The following KIF4A variants were observed in gnomAD, a reference collection of about 807,000 sequenced individuals.
KIF4A encodes kinesin family member 4A.
KIF4A carries 7 observed loss-of-function variants against 105.9 expected under a neutral mutation model. The ratio of observed to expected loss-of-function variants is 0.07; its 90% CI spans 0.04 to 0.12. The LOEUF is 0.12. Ranked by LOEUF, KIF4A falls within the 10% of genes least tolerant of loss-of-function variation. KIF4A has a pLI of 1.00. For synonymous variants in KIF4A, 281 were observed against 331.3 expected, an observed-to-expected ratio of 0.85 and a Z score of 1.65; for missense variants, 558 against 929.2, an observed-to-expected ratio of 0.60 and a Z score of 5.19.
intron 7 of KIF4A, among the ~76,000 whole-genome samples, chrX:70,317,667 C>T (rs1020268779): frequency 8.4e-5 from 9 of 107,648 alleles, no homozygotes; most frequent in Non-Finnish European, 1.3e-4. Context: ...TCCTTAGCCT[C>T]CTGAGTAGCT....
chrX:70,402,769 G>A, intron 23 of KIF4A, 74 bp downstream of exon 23: 1 of 1,104,388 alleles, frequency 9.1e-7, no homozygotes. Flanking sequence ...TTGAAATATT[G>A]TCAAAGTGTT....
chrX:70,375,127 C>G (rs1243559877), intron 16 of KIF4A, 77 bp from the exon 17 acceptor site: 5 of 1,081,951 alleles, frequency 4.6e-6, no homozygotes, highest in Non-Finnish European at 6.2e-6. Flanking sequence ...TGTTGTAACT[C>G]TGGGAGTCTA....
In KIF4A at chrX:70,389,099, T is replaced by A. The variant is rs185837690; in HGVS notation, c.2232+1802T>A. ...ATCCTGTCTCTACAAAACAAAATTT[T>A]AAAAAAATTAACCAGACATGGTGGT... On this transcript the variant is annotated intron_variant, in intron 20 of 30. Coordinates refer to ENST00000374403, the MANE Select transcript of KIF4A (RefSeq NM_012310.5). Among the ~76,000 whole-genome samples, 773 of 109,876 alleles carry A rather than the reference T, an allele frequency of 7.0e-3. 13 individuals carry two copies. Among genetic ancestry groups the A allele is most frequent in the African/African-American group, 0.025 (739 of 30,142 alleles).
intron 15 of KIF4A, among the ~76,000 whole-genome samples, chrX:70,365,288 G>A (rs1178348868): frequency 1.8e-5 from 2 of 111,698 alleles, no homozygotes; most frequent in African/African-American, 3.3e-5. Context: ...TGTTGAATAG[G>A]AGTGGTGAGA....
chrX:70,382,233 C>A (rs1482899540), intron 18 of KIF4A, among the ~76,000 whole-genome samples: 2 of 111,731 alleles, frequency 1.8e-5, no homozygotes, highest in Non-Finnish European at 3.8e-5. Flanking sequence ...AGTTCAAGAC[C>A]ACCTGGCCAA....
At chrX:70,290,908 C>A in intron 3 of KIF4A, 103 bp downstream of exon 3, 1 of 533,196 alleles carries the variant, frequency 1.9e-6, no homozygotes. Context: ...ATCGATGAAT[C>A]ATGATTCCTG....
Position 70,353,636 on chromosome X carries a change from T to G in KIF4A, c.1503T>G (p.Ser501Arg), listed in dbSNP as rs1310560117. The change falls in exon 15 of 31, where the codon AGT becomes AGG. Residue 501 changes from serine (S) to arginine (R), a missense_variant. Physicochemically the swap from Ser to Arg is moderately radical, Grantham distance 110. This residue lies in a region of KIF4A where 469 missense variants were observed against 680.4 expected (regional missense o/e 0.69). Coordinates refer to ENST00000374403, the MANE Select transcript of KIF4A (RefSeq NM_012310.5). ...AVEQEAQVET[S>R]PETSRSSDAF... Reference sequence around the variant, plus strand: ...TTTTTTTCCAGCAAGTAGAAACCAGTCCAGAGACGAGCAGGTCTTCTGACG... The same window carrying G: ...TTTTTTTCCAGCAAGTAGAAACCAGGCCAGAGACGAGCAGGTCTTCTGACG... 1.2e-5 allele frequency: 14 copies of G among 1,210,141 alleles called. No individual in the cohort carries two copies. Among genetic ancestry groups the G allele is most frequent in the Non-Finnish European group, 1.6e-5 (14 of 894,959 alleles).
intron 7 of KIF4A, among the ~76,000 whole-genome samples, chrX:70,320,691 C>T (rs1187894731): frequency 9.0e-6 from 1 of 110,932 alleles, no homozygotes; most frequent in East Asian, 2.8e-4. Flanking sequence ...GAGTGGAGGC[C>T]GAGGGGAAGA....
rs759451517 is a variant in KIF4A at position 70,343,758 on chromosome X, C to T, written c.1322C>T (p.Ala441Val). The stretch of plus-strand genomic sequence containing the variant: ...AAGCTAGAAGAGCTCAGGCAGCATG[C>T]GGCGTAAGTTGCCCACCAGATATTT... ...NAKLEELRQH[A>V]ACKLDLQKLV... Residue 441 changes from alanine (A) to valine (V), a missense_variant, in exon 12 of 31, where the codon GCG (alanine) becomes GTG (valine). This residue lies in a region of KIF4A where 469 missense variants were observed against 680.4 expected (regional missense o/e 0.69). Transcript: ENST00000374403. 9.9e-6 allele frequency: 12 copies of T among 1,208,343 alleles called. No homozygotes were observed. The highest frequency in any genetic ancestry group is 1.3e-5 in the Non-Finnish European group (12 of 893,777).
intron 4 of KIF4A, 30 bp from the exon 5 acceptor site, chrX:70,299,083 T>G (rs753232943): frequency 8.7e-7 from 1 of 1,152,042 alleles, no homozygotes; most frequent in Non-Finnish European, 1.2e-6. Flanking sequence ...TAACATCTTG[T>G]TTTTGCCACT....
chrX:70,402,703 T>C lies in KIF4A; in HGVS notation c.2619+8T>C, dbSNP rs774422747. 1.7e-6 allele frequency: 2 copies of C among 1,206,162 alleles called. No homozygotes were observed. Among genetic ancestry groups the C allele is most frequent in the Non-Finnish European group, 2.2e-6 (2 of 892,379 alleles). ...AAATATTTGATTGGAGAGGTAAACA[T>C]CACTCTAACCAGCAGTTAGGAGGCT... On this transcript the variant is annotated splice_region_variant and intron_variant, in intron 23 of 30. Transcript: ENST00000374403.
Position 70,405,891 on chromosome X carries a change from G to A in KIF4A, c.2962G>A (p.Glu988Lys). 1 of 1,206,156 alleles carries A rather than the reference G, an allele frequency of 8.3e-7. No homozygotes were observed. ...AAATCAGCAGCTTCTCCGAGAGAAT[G>A]AAATCATCAAGCAGGTAATACAGTT... ...EQNQQLLREN[E>K]IIKQKLTLLQ... The change falls in exon 26 of 31, where the codon GAA becomes AAA. Residue 988 changes from glutamate (E) to lysine (K), a missense_variant. Physicochemically the swap from Glu to Lys is moderately conservative, Grantham distance 56. Coordinates refer to ENST00000374403, the MANE Select transcript of KIF4A (RefSeq NM_012310.5).
chrX:70,307,335 T>C (rs2085831404), intron 7 of KIF4A, among the ~76,000 whole-genome samples: 2 of 111,381 alleles, frequency 1.8e-5, no homozygotes, highest in South Asian at 7.6e-4. Flanking sequence ...GCAGAACTTA[T>C]TAGTTCTAAT....
chrX:70,365,994 T>G (rs1205665005), intron 15 of KIF4A, among the ~76,000 whole-genome samples: 1 of 111,429 alleles, frequency 9.0e-6, no homozygotes, highest in Non-Finnish European at 1.9e-5. Flanking sequence ...GTCGAGGAGT[T>G]TATCCATTTC....
intron 13 of KIF4A, among the ~76,000 whole-genome samples, chrX:70,350,856 C>T (rs2086027396): frequency 8.9e-6 from 1 of 112,359 alleles, no homozygotes; most frequent in African/African-American, 3.2e-5. Context: ...TCCTTAAGTA[C>T]ATGACTTCCT....
chrX:70,308,720 C>T (rs759089097), intron 7 of KIF4A, among the ~76,000 whole-genome samples: 2 of 111,982 alleles, frequency 1.8e-5, no homozygotes, highest in Non-Finnish European at 3.8e-5. Context: ...AGTAATTCTC[C>T]TGCCTCAGCC....
intron 7 of KIF4A, among the ~76,000 whole-genome samples, chrX:70,312,968 C>T (rs2085856267): frequency 8.9e-6 from 1 of 111,917 alleles, no homozygotes; most frequent in Admixed American, 9.5e-5. Context: ...TTGGCCTATA[C>T]TTATTTGGTC....
chrX:70,418,946 G>A lies in KIF4A; in HGVS notation c.3373-715G>A, dbSNP rs184051987. On this transcript the variant is annotated intron_variant, in intron 29 of 30. Coordinates refer to ENST00000374403, the MANE Select transcript of KIF4A (RefSeq NM_012310.5). ...AAAAATACAAAAAAATTAGCCAGGC[G>A]TGGTAGTGGGTGCCTATAGTCCCAG... Among the ~76,000 whole-genome samples the A allele has an allele frequency of 5.1e-3, 569 of 111,083 alleles. 7 individuals are homozygous for A. Among genetic ancestry groups the A allele is most frequent in the African/African-American group, 0.018 (551 of 30,593 alleles).
chrX:70,305,251 C>T (rs2085822384), intron 7 of KIF4A, among the ~76,000 whole-genome samples: 1 of 111,396 alleles, frequency 9.0e-6, no homozygotes, highest in Non-Finnish European at 1.9e-5. Context: ...TTAGTATGTT[C>T]ACAAGGAGTT....
Sources: gnomAD v4.1 joint callset for allele counts (sites outside exome capture counted in the v4.1 genomes callset) on GRCh38, gnomAD v4.1.1 for gene constraint, gnomAD v4.1.1 regional missense constraint, MANE v1.5 for transcripts, NCBI Gene and HGNC (gene_info 2026-07-23, HGNC 2026-07-21) for gene names.